The following RGS6 variants were observed in gnomAD, a reference collection of about 807,000 sequenced individuals.
RGS6 encodes the protein regulator of G-protein signaling 6.
A neutral mutation model predicts 78.5 loss-of-function variants in RGS6; 30 were observed. The observed-to-expected ratio is 0.38, with a 90% CI of 0.29 to 0.52. The LOEUF is 0.52. RGS6 is among the 20% of genes least tolerant of loss of function. The probability of loss-of-function intolerance (pLI) is 0.85; values close to 1 mark genes in which losing one functional copy is unlikely to be tolerated. For missense variants in RGS6, 495 were observed against 609.7 expected (o/e 0.81, Z 1.98); for synonymous variants, 206 against 206.0 (o/e 1.00, Z 0.00).
chr14:72,538,260 A>C (rs2097275994), intron 16 of RGS6, among the ~76,000 whole-genome samples: 1 of 152,248 alleles, frequency 6.6e-6, no homozygotes, highest in Non-Finnish European at 1.5e-5. Context: ...TGTGAGATTC[A>C]CAACCTCCGG....
At chr14:71,897,091 C>T in the RGS6 span, among the ~76,000 whole-genome samples, 1 of 152,164 alleles carries the variant, frequency 6.6e-6, no homozygotes, top group Non-Finnish European at 1.5e-5. Flanking sequence ...TGTCACTCTA[C>T]CTAGGGGGTA....
intron 2 of RGS6, among the ~76,000 whole-genome samples, chr14:72,318,674 A>G (rs2071005902): frequency 6.6e-6 from 1 of 152,184 alleles, no homozygotes; most frequent in South Asian, 2.1e-4. Context: ...AGCAAAAAAC[A>G]CGTCTCCAAA....
At chr14:72,590,606 T>A in the RGS6 span, among the ~76,000 whole-genome samples, 1 of 152,180 alleles carries the variant, frequency 6.6e-6, no homozygotes, top group African/African-American at 2.4e-5. Context: ...GAAGAAGGGG[T>A]TGCAGGGGCC....
At chr14:72,217,838 C>G (rs1362924934) in intron 2 of RGS6, among the ~76,000 whole-genome samples, 1 of 152,096 alleles carries the variant, frequency 6.6e-6, no homozygotes, top group Non-Finnish European at 1.5e-5. Context: ...TTTCTCAAGT[C>G]ATAATGCCAA....
At chr14:71,979,480 T>G (rs931602612) in intron 2 of RGS6, among the ~76,000 whole-genome samples, 12 of 152,066 alleles carry the variant, frequency 7.9e-5, no homozygotes, top group African/African-American at 2.9e-4. Context: ...TTCTCATTGG[T>G]TTGAAAGAAC....
chr14:72,021,464 C>CTTTTTTTTTTTTT (rs533727083), intron 2 of RGS6, among the ~76,000 whole-genome samples: 1 of 122,424 alleles, frequency 8.2e-6, no homozygotes, highest in Non-Finnish European at 1.7e-5. Context: ...CTTTTTCTAA[C>CTTTTTTTTTTTTT]TTTTTTTTTT....
At chr14:72,440,404 A>G (rs17115684) in intron 3 of RGS6, among the ~76,000 whole-genome samples, 1,599 of 147,192 alleles carry the variant, frequency 0.011, 54 homozygotes, top group East Asian at 0.084. Flanking sequence ...TTGAAATTTG[A>G]CCTACACTTC....
chr14:72,583,503 G>A, the RGS6 span, among the ~76,000 whole-genome samples: 12 of 152,258 alleles, frequency 7.9e-5, no homozygotes, highest in East Asian at 9.6e-4. Flanking sequence ...TGACACATTT[G>A]TCCACTCTCC....
intron 3 of RGS6, among the ~76,000 whole-genome samples, chr14:72,415,521 C>T (rs1190953036): frequency 5.3e-5 from 8 of 152,376 alleles, no homozygotes; most frequent in Middle Eastern, 3.4e-3. Flanking sequence ...CTTTGGCTCA[C>T]GCACGGTGCG....
intron 2 of RGS6, among the ~76,000 whole-genome samples, chr14:72,030,925 C>T (rs1248013348): frequency 6.6e-6 from 1 of 151,130 alleles, no homozygotes; most frequent in African/African-American, 2.4e-5. Context: ...GATTCTGGGG[C>T]TTGATAGCAC....
At chr14:72,411,917 C>A (rs1436167155) in intron 3 of RGS6, among the ~76,000 whole-genome samples, 1 of 152,018 alleles carries the variant, frequency 6.6e-6, no homozygotes, top group African/African-American at 2.4e-5. Flanking sequence ...GGGATGAAGC[C>A]CACCTGATCA....
At chr14:72,379,337 A>G (rs1046177409) in intron 3 of RGS6, among the ~76,000 whole-genome samples, 1 of 152,140 alleles carries the variant, frequency 6.6e-6, no homozygotes, top group African/African-American at 2.4e-5. Context: ...AGCCAGAGCA[A>G]TTGGCAAAAA....
At chr14:72,242,834 CTTT>C (rs2053223634) in intron 2 of RGS6, among the ~76,000 whole-genome samples, 1 of 87,842 alleles carries the variant, frequency 1.1e-5, no homozygotes, top group Non-Finnish European at 2.3e-5. Flanking sequence ...AACTTCATTT[CTTT>C]TCTTTTTTTT....
chr14:72,599,575 ATTT>A, the RGS6 span, among the ~76,000 whole-genome samples: 219 of 103,232 alleles, frequency 2.1e-3, no homozygotes, highest in East Asian at 6.2e-3. Context: ...CGCCTGGCTA[ATTT>A]TTTTTTTTTT....
chr14:72,333,083 A>G (rs2075371938), intron 2 of RGS6, among the ~76,000 whole-genome samples: 1 of 152,228 alleles, frequency 6.6e-6, no homozygotes, highest in Non-Finnish European at 1.5e-5. Flanking sequence ...ACAGGGGGCC[A>G]GGCTGCCTCT....
chr14:72,543,551 C>T (rs1424529871), intron 17 of RGS6, among the ~76,000 whole-genome samples: 1 of 152,202 alleles, frequency 6.6e-6, no homozygotes, highest in Non-Finnish European at 1.5e-5. Flanking sequence ...CTTCACCTTC[C>T]AGCTGTTCTT....
chr14:71,880,864 G>T, the RGS6 span, among the ~76,000 whole-genome samples: 1 of 152,192 alleles, frequency 6.6e-6, no homozygotes, highest in African/African-American at 2.4e-5. Flanking sequence ...CTGTCCTCCA[G>T]ACCCCAGAAT....
chr14:71,916,958 A>G, the RGS6 span, among the ~76,000 whole-genome samples: 1 of 152,184 alleles, frequency 6.6e-6, no homozygotes, highest in Non-Finnish European at 1.5e-5. Context: ...GGGTTAAATT[A>G]AGGAAATAGA....
At chr14:72,092,795 C>G (rs150422618) in intron 2 of RGS6, among the ~76,000 whole-genome samples, 317 of 152,244 alleles carry the variant, frequency 2.1e-3, no homozygotes, top group African/African-American at 7.3e-3. Flanking sequence ...TCCAGTTTCC[C>G]CTATTATTAG....
Sources: gnomAD v4.1 joint callset for allele counts (sites outside exome capture counted in the v4.1 genomes callset) on GRCh38, gnomAD v4.1.1 for gene constraint, MANE v1.5 for transcripts, NCBI Gene and HGNC (gene_info 2026-07-23, HGNC 2026-07-21) for gene names.